PDGFC: variants seen among roughly 807,000 people sequenced by gnomAD.
PDGFC encodes platelet-derived growth factor C.
A neutral mutation model predicts 35.5 loss-of-function variants in PDGFC; 12 were observed. That is an observed-to-expected ratio of 0.34 (90% CI 0.22 to 0.55). The LOEUF is 0.55. Among genes scored for constraint, PDGFC ranks in the 20% least tolerant of loss-of-function variants. The pLI is 0.91. For synonymous variants in PDGFC, 159 were observed against 148.8 expected, an observed-to-expected ratio of 1.07 and a Z score of -0.50; for missense variants, 322 against 412.4, an observed-to-expected ratio of 0.78 and a Z score of 1.90.
At chr4:156,935,452 T>C (rs1262093158) in intron 1 of PDGFC, among the ~76,000 whole-genome samples, 2 of 152,218 alleles carry the variant, frequency 1.3e-5, no homozygotes, top group Non-Finnish European at 2.9e-5. Context: ...GGGCTGGCAG[T>C]GCAGGAGGTT....
chr4:156,885,535 C>T (rs920589070), intron 1 of PDGFC, among the ~76,000 whole-genome samples: 1 of 152,102 alleles, frequency 6.6e-6, no homozygotes, highest in Admixed American at 6.5e-5. Context: ...ATATAAACTT[C>T]AGCAATAATT....
At chr4:156,834,754 T>C (rs1729022742) in intron 2 of PDGFC, among the ~76,000 whole-genome samples, 1 of 152,170 alleles carries the variant, frequency 6.6e-6, no homozygotes, top group South Asian at 2.1e-4. Context: ...ATAACTGTTT[T>C]TGGGGAAAAA....
At chr4:156,764,218 A>C (rs1320921278) in intron 5 of PDGFC, among the ~76,000 whole-genome samples, 1 of 152,228 alleles carries the variant, frequency 6.6e-6, no homozygotes, top group Non-Finnish European at 1.5e-5. Context: ...TAATCCAAAA[A>C]GGCACAAGTC....
chr4:156,832,041 T>G (rs1305040408), intron 2 of PDGFC, among the ~76,000 whole-genome samples: 2 of 152,068 alleles, frequency 1.3e-5, no homozygotes, highest in African/African-American at 4.8e-5. Context: ...TTTTAAAATT[T>G]TTTTTCTAGT....
chr4:156,940,515 T>C (rs573515172), intron 1 of PDGFC, among the ~76,000 whole-genome samples: 38 of 152,128 alleles, frequency 2.5e-4, no homozygotes, highest in African/African-American at 8.9e-4. Flanking sequence ...ATTAAACTAT[T>C]AAAAAGGGAA....
intron 1 of PDGFC, among the ~76,000 whole-genome samples, chr4:156,941,127 T>G (rs923144076): frequency 6.6e-6 from 1 of 152,134 alleles, no homozygotes; most frequent in African/African-American, 2.4e-5. Context: ...TAGTGTTCAA[T>G]AAGTATTTGT....
chr4:156,964,198 T>C lies in PDGFC; in HGVS notation c.118+6588A>G, dbSNP rs111281401. ...AAATTATTACCAGAAAGTTTCCTTG[T>C]GGAACCAAGCATGCCAATGTCAGCC... On this transcript the variant is annotated intron_variant, in intron 1 of 5. Coordinates refer to ENST00000502773, the MANE Select transcript of PDGFC (RefSeq NM_016205.3). Among the ~76,000 whole-genome samples, 904 of 151,900 alleles carry C rather than the reference T, an allele frequency of 6.0e-3. 12 individuals carry two copies. The highest frequency in any genetic ancestry group is 0.021 in the African/African-American group (861 of 41,478).
intron 1 of PDGFC, chr4:156,876,422 CTGAG>C (rs1456702429): frequency 3.3e-5 from 5 of 152,204 alleles, no homozygotes; most frequent in Admixed American, 1.3e-4. Flanking sequence ...TGTGTACTCA[CTGAG>C]TATTAGACAT....
chr4:156,814,405 GAA>G (rs1732023846), intron 2 of PDGFC, among the ~76,000 whole-genome samples: 1 of 152,122 alleles, frequency 6.6e-6, no homozygotes, highest in Non-Finnish European at 1.5e-5. Context: ...AGGTAACAGA[GAA>G]GAGAGAATTT....
chr4:156,894,561 T>C (rs759168851), intron 1 of PDGFC, among the ~76,000 whole-genome samples: 1 of 152,130 alleles, frequency 6.6e-6, no homozygotes, highest in African/African-American at 2.4e-5. Context: ...CCGAGCAAAA[T>C]ATATAGCAAT....
At chr4:156,963,439 C>G (rs888560802) in intron 1 of PDGFC, among the ~76,000 whole-genome samples, 5 of 151,974 alleles carry the variant, frequency 3.3e-5, no homozygotes, top group African/African-American at 1.2e-4. Flanking sequence ...CCACTGCACT[C>G]CAGCCTGGGT....
chr4:156,825,532 A>G (rs1732421401), intron 2 of PDGFC, among the ~76,000 whole-genome samples: 2 of 146,996 alleles, frequency 1.4e-5, no homozygotes, highest in African/African-American at 5.0e-5. Flanking sequence ...ACTTTCTGAC[A>G]GAGCAACACC....
intron 1 of PDGFC, among the ~76,000 whole-genome samples, chr4:156,914,331 C>G (rs963744022): frequency 1.9e-4 from 29 of 152,142 alleles, no homozygotes; most frequent in African/African-American, 6.8e-4. Flanking sequence ...CCTACCCCTT[C>G]CATCCCACTG....
At chr4:156,801,691 T>G (rs1731617262) in intron 3 of PDGFC, among the ~76,000 whole-genome samples, 1 of 152,204 alleles carries the variant, frequency 6.6e-6, no homozygotes, top group Admixed American at 6.5e-5. Flanking sequence ...TGCACATCAA[T>G]ATATGAATTC....
intron 1 of PDGFC, among the ~76,000 whole-genome samples, chr4:156,948,387 G>A (rs926677248): frequency 2.0e-5 from 3 of 151,768 alleles, no homozygotes; most frequent in Admixed American, 6.6e-5. Flanking sequence ...CGACTGCTGC[G>A]GCCGCTTTGA....
chr4:156,800,853 A>G (rs1039434811), intron 3 of PDGFC, among the ~76,000 whole-genome samples: 3 of 152,172 alleles, frequency 2.0e-5, no homozygotes, highest in Non-Finnish European at 2.9e-5. Flanking sequence ...TCATTCCTAG[A>G]CAAAGCTAAC....
Position 156,762,298 on chromosome 4 carries a change from C to A in PDGFC, c.*792G>T, listed in dbSNP as rs909742608. ...TTGTCATAAAAAAGAATATTAAATA[C>A]CTTTGGTAAAAATAGATATATTTAA... On this transcript the variant is annotated 3_prime_UTR_variant, in exon 6 of 6. Transcript: ENST00000502773. The A allele has an allele frequency of 6.6e-6, 1 of 152,368 alleles. No homozygotes were observed. Among genetic ancestry groups the A allele is most frequent in the Non-Finnish European group, 1.5e-5 (1 of 67,986 alleles). 9.4% of individuals were successfully genotyped at this position (152,368 alleles called of 1,614,324 possible).
At chr4:156,853,396 T>A (rs1159138976) in intron 1 of PDGFC, among the ~76,000 whole-genome samples, 1 of 152,146 alleles carries the variant, frequency 6.6e-6, no homozygotes, top group Non-Finnish European at 1.5e-5. Flanking sequence ...CCCCAAATAA[T>A]TGTAACGTTT....
At chr4:156,825,593 T>TAATAAGAAGAAGAAGAAG (rs1267062505) in intron 2 of PDGFC, among the ~76,000 whole-genome samples, 29 of 62,188 alleles carry the variant, frequency 4.7e-4, no homozygotes, top group South Asian at 1.4e-3. Context: ...ATAATAATAA[T>TAATAAGAAGAAGAAGAAG]AAGAAGAAGA....
Sources: allele counts gnomAD v4.1 joint callset (sites outside exome capture counted in the v4.1 genomes callset), GRCh38; gene constraint gnomAD v4.1.1; transcripts MANE v1.5; gene names NCBI Gene and HGNC (gene_info 2026-07-23, HGNC 2026-07-21).